The following UBE2E2 variants were observed in gnomAD, a reference collection of about 807,000 sequenced individuals.
UBE2E2 encodes the protein ubiquitin conjugating enzyme E2 E2.
In UBE2E2, 6 loss-of-function variants were observed where a neutral mutation model predicts 24.7. The observed-to-expected ratio is 0.24, with a 90% confidence interval of 0.13 to 0.48. UBE2E2 has a LOEUF of 0.48. Ranked by LOEUF, UBE2E2 falls within the 20% of genes least tolerant of loss-of-function variation. UBE2E2 has a pLI of 0.99. For missense variants in UBE2E2, 169 were observed against 245.0 expected, an observed-to-expected ratio of 0.69 and a Z score of 2.07; for synonymous variants, 104 against 83.6, an observed-to-expected ratio of 1.24 and a Z score of -1.33.
chr3:23,530,977 A>G (rs952225042), intron 4 of UBE2E2, among the ~76,000 whole-genome samples: 1 of 152,166 alleles, frequency 6.6e-6, no homozygotes, highest in Non-Finnish European at 1.5e-5. Context: ...TTTGCTATGC[A>G]TTTTAAAGAA....
intron 5 of UBE2E2, among the ~76,000 whole-genome samples, chr3:23,584,377 C>T (rs1485966301): frequency 6.6e-6 from 1 of 151,976 alleles, no homozygotes; most frequent in Non-Finnish European, 1.5e-5. Flanking sequence ...TGTTCCCTGT[C>T]TCTGTCCTCC....
At chr3:23,439,402 C>G (rs1399626463) in intron 3 of UBE2E2, among the ~76,000 whole-genome samples, 1 of 152,188 alleles carries the variant, frequency 6.6e-6, no homozygotes, top group Non-Finnish European at 1.5e-5. Context: ...CTCAGAGGCA[C>G]CCCTCCTCCT....
intron 3 of UBE2E2, among the ~76,000 whole-genome samples, chr3:23,254,410 G>A (rs986790991): frequency 4.6e-5 from 7 of 152,146 alleles, no homozygotes; most frequent in Admixed American, 3.3e-4. Flanking sequence ...AGGTATTTGT[G>A]GGGCAGTAAT....
chr3:23,352,936 G>A (rs561575786), intron 3 of UBE2E2, among the ~76,000 whole-genome samples: 2 of 152,106 alleles, frequency 1.3e-5, no homozygotes, highest in Non-Finnish European at 2.9e-5. Flanking sequence ...AACCAAAAAG[G>A]AGAATTTTAG....
rs536273494 is a variant in UBE2E2 at position 23,574,827 on chromosome 3, A to G, written c.509-14907A>G. On this transcript the variant is annotated intron_variant, in intron 5 of 5. Coordinates refer to ENST00000396703, the MANE Select transcript of UBE2E2 (RefSeq NM_152653.4). The stretch of plus-strand genomic sequence containing the variant: ...CTTTTGCATTCACTTGCTGCTTCAC[A>G]CAGTCACCAGATGTGCTACACTTTA... Among the ~76,000 whole-genome samples, 18 of 152,186 alleles carry G rather than the reference A, an allele frequency of 1.2e-4. No homozygotes were observed. The South Asian group carries it at 1.9e-3, about 16-fold the overall frequency.
At chr3:23,574,858 G>A (rs1696311042) in intron 5 of UBE2E2, among the ~76,000 whole-genome samples, 1 of 152,172 alleles carries the variant, frequency 6.6e-6, no homozygotes, top group African/African-American at 2.4e-5. Flanking sequence ...CTTTATGCCA[G>A]CAGCTGTTGC....
chr3:23,349,009 G>A (rs773818509), intron 3 of UBE2E2, among the ~76,000 whole-genome samples: 16 of 152,024 alleles, frequency 1.1e-4, no homozygotes, highest in Admixed American at 2.0e-4. Context: ...CCACCTCCCC[G>A]CAGGAGTTGA....
At chr3:23,354,011 G>A (rs907127756) in intron 3 of UBE2E2, among the ~76,000 whole-genome samples, 64 of 152,246 alleles carry the variant, frequency 4.2e-4, no homozygotes, top group African/African-American at 1.4e-3. Flanking sequence ...AGTAACCAAA[G>A]CAGCATGGTA....
chr3:23,564,732 G>A (rs768271207), intron 5 of UBE2E2, among the ~76,000 whole-genome samples: 10 of 152,216 alleles, frequency 6.6e-5, no homozygotes, highest in Middle Eastern at 3.4e-3. Context: ...ACCTGTTACT[G>A]GTCTGCGCGG....
At chr3:23,230,379 T>A (rs1162564197) in intron 3 of UBE2E2, among the ~76,000 whole-genome samples, 2 of 152,194 alleles carry the variant, frequency 1.3e-5, no homozygotes, top group African/African-American at 4.8e-5. Context: ...GATAGTTCAA[T>A]GTGTTGCTTA....
intron 3 of UBE2E2, among the ~76,000 whole-genome samples, chr3:23,435,865 A>G (rs1338948737): frequency 6.6e-6 from 1 of 152,124 alleles, no homozygotes; most frequent in Non-Finnish European, 1.5e-5. Context: ...TTTTGGCACC[A>G]AGGTCTGGTT....
chr3:23,547,461 CATTT>C (rs1350819314), intron 5 of UBE2E2, among the ~76,000 whole-genome samples: 2 of 152,146 alleles, frequency 1.3e-5, no homozygotes, highest in African/African-American at 4.8e-5. Context: ...TTTATTGGTT[CATTT>C]GTTTTGCTAT....
At chr3:23,584,615 G>T (rs568833050) in intron 5 of UBE2E2, among the ~76,000 whole-genome samples, 1 of 151,136 alleles carries the variant, frequency 6.6e-6, no homozygotes. Context: ...GTACAGTGGC[G>T]CAATCATGGC....
At chr3:23,588,378 A>T (rs1293366497) in intron 5 of UBE2E2, among the ~76,000 whole-genome samples, 3 of 148,942 alleles carry the variant, frequency 2.0e-5, no homozygotes, top group African/African-American at 7.6e-5. Flanking sequence ...CTTTTTTTTT[A>T]ATTGCTTTGC....
intron 3 of UBE2E2, among the ~76,000 whole-genome samples, chr3:23,284,070 G>T (rs1698550799): frequency 6.6e-6 from 1 of 152,026 alleles, no homozygotes; most frequent in African/African-American, 2.4e-5. Context: ...TTATAGCTTA[G>T]GTGCAGTCTA....
intron 3 of UBE2E2, among the ~76,000 whole-genome samples, chr3:23,379,145 A>C (rs1305758015): frequency 2.0e-5 from 3 of 152,212 alleles, no homozygotes; most frequent in African/African-American, 7.2e-5. Flanking sequence ...TGAAAAATTT[A>C]AAATACATAA....
In UBE2E2 at chr3:23,456,098, T is replaced by G. The variant is rs180915156; in HGVS notation, c.228-43510T>G. On this transcript the variant is annotated intron_variant, in intron 3 of 5. Transcript: ENST00000396703. ...TCTTTACCAGGAGTAGATTCCATCT[T>G]AAGTAATCACTTTCTTTGCTTATTC... 3.0e-4 allele frequency among the ~76,000 whole-genome samples: 46 copies of G among 152,352 alleles called. No individual in the cohort carries two copies. In the East Asian group the frequency reaches 7.3e-3, roughly 24 times the overall value.
chr3:23,328,164 G>T (rs777211640), intron 3 of UBE2E2, among the ~76,000 whole-genome samples: 14 of 152,040 alleles, frequency 9.2e-5, no homozygotes, highest in African/African-American at 3.1e-4. Flanking sequence ...AAAAAGAAAA[G>T]AAATATGAGG....
chr3:23,440,131 A>G (rs963407630), intron 3 of UBE2E2, among the ~76,000 whole-genome samples: 11 of 152,196 alleles, frequency 7.2e-5, no homozygotes, highest in South Asian at 2.1e-4. Context: ...AAAATTAGCC[A>G]GGTGCAGTGG....
Sources: gnomAD v4.1 joint callset for allele counts (sites outside exome capture counted in the v4.1 genomes callset) on GRCh38, gnomAD v4.1.1 for gene constraint, MANE v1.5 for transcripts, NCBI Gene and HGNC (gene_info 2026-07-23, HGNC 2026-07-21) for gene names.